The following ADGRB1 variants were observed in gnomAD, a reference collection of about 807,000 sequenced individuals.
The protein encoded by ADGRB1 is adhesion G protein-coupled receptor B1.
In ADGRB1, 36 loss-of-function variants were observed where a neutral mutation model predicts 175.7. That is an observed-to-expected ratio of 0.20 (90% confidence interval 0.16 to 0.27). The LOEUF is 0.27. ADGRB1 is among the 10% of genes least tolerant of loss of function. The probability of loss-of-function intolerance (pLI) is 1.00; values close to 1 mark genes in which losing one functional copy is unlikely to be tolerated. For synonymous variants in ADGRB1, 1,054 were observed against 979.4 expected (o/e 1.08, Z -1.42); for missense variants, 1,731 against 2,255.3 (o/e 0.77, Z 4.71).
At chr8:142,458,368 C>T (rs191386282) in intron 1 of ADGRB1, among the ~76,000 whole-genome samples, 22 of 152,196 alleles carry the variant, frequency 1.4e-4, no homozygotes, top group Non-Finnish European at 2.5e-4. Context: ...AGGATGGCGG[C>T]GGGAGGCGGG....
Position 142,510,886 on chromosome 8 carries a change from C to T in ADGRB1, c.2676-46C>T. ...GCCGGGGCGCCCGCGTCCCCGCCGC[C>T]GCTGACGCTCCGCCTGTCTCCCTCC... On this transcript the variant is annotated intron_variant, in intron 17 of 30. Transcript: ENST00000517894. The surrounding 1 kb of genome is among the most constrained non-coding windows in gnomAD (Gnocchi z 6.3). 2 of 1,017,940 alleles carry T rather than the reference C, an allele frequency of 2.0e-6. No individual in the cohort carries two copies. The highest frequency in any genetic ancestry group is 2.4e-6 in the Non-Finnish European group (2 of 847,188). The allele number at this position is 1,017,940 out of a possible 1,614,324, so 63.1% of individuals were successfully genotyped here. A position where few individuals can be genotyped will look rare whatever the true frequency, so the allele number is the denominator to read the frequency against.
rs1845498691 is a variant in ADGRB1, at chr8:142,544,969, C to T, written c.*552C>T. ...AAGCAGGGGGGAATCTATTTTTTCT[C>T]TCCTTTTCTTTTCTTCAATAAAAAG... On this transcript the variant is annotated 3_prime_UTR_variant, in exon 31 of 31. Coordinates refer to ENST00000517894, the MANE Select transcript of ADGRB1 (RefSeq NM_001702.3). The T allele has an allele frequency of 6.6e-6, 1 of 152,576 alleles. No homozygotes were observed. Among genetic ancestry groups the T allele is most frequent in the Non-Finnish European group, 1.5e-5 (1 of 68,128 alleles). 9.5% of individuals were successfully genotyped at this position (152,576 alleles called of 1,614,324 possible). A position where few individuals can be genotyped will look rare whatever the true frequency, so the allele number is the denominator to read the frequency against.
At chr8:142,456,315 G>T (rs763775039) in intron 1 of ADGRB1, among the ~76,000 whole-genome samples, 1 of 152,094 alleles carries the variant, frequency 6.6e-6, no homozygotes, top group Non-Finnish European at 1.5e-5. Context: ...CACTCTGTGC[G>T]CACACACTTG....
intron 24 of ADGRB1, among the ~76,000 whole-genome samples, chr8:142,527,106 C>T (rs564536335): frequency 7.9e-5 from 12 of 152,292 alleles, no homozygotes; most frequent in Admixed American, 1.3e-4. Flanking sequence ...TTCCTCCCTC[C>T]GGGGAACCCA....
chr8:142,476,559 T>C, intron 3 of ADGRB1, 26 bp from the exon 4 acceptor site: 21 of 1,543,112 alleles, frequency 1.4e-5, no homozygotes, highest in Non-Finnish European at 1.8e-5. Flanking sequence ...GAACCGCTCC[T>C]GTGCTGACCT....
rs574451863 is a variant in ADGRB1, at chr8:142,488,503, G to A, written c.2448G>A (p.Leu816=). ...CCAAGAGTGTCTTCTCCACGGGGCT[G>A]ACAGGTGAGGGGCCCAGGGAGTGGA... ...TVSKSVFSTG[L]TEADEASVFV... is the part of the protein sequence containing the mutation. Residue 816 remains leucine, a synonymous_variant, in exon 14 of 31, where the codon CTG becomes CTA. Coordinates refer to ENST00000517894, the MANE Select transcript of ADGRB1 (RefSeq NM_001702.3). The A allele has an allele frequency of 1.2e-6, 2 of 1,612,542 alleles. No homozygotes were observed. The highest frequency in any genetic ancestry group is 1.1e-5 in the South Asian group (1 of 91,048).
intron 13 of ADGRB1, among the ~76,000 whole-genome samples, chr8:142,487,714 G>T (rs1428807665): frequency 1.3e-5 from 2 of 151,992 alleles, no homozygotes; most frequent in African/African-American, 2.4e-5. Flanking sequence ...CTGCTGCCTC[G>T]TCCCCACGTC....
At chr8:142,475,381 C>T (rs1429553737) in intron 2 of ADGRB1, 93 bp from the exon 3 acceptor site, 9 of 1,201,818 alleles carry the variant, frequency 7.5e-6, no homozygotes. Context: ...CCCACCCGGG[C>T]CGGCCTCGGC....
chr8:142,499,585 C>G (rs892282218), intron 17 of ADGRB1, among the ~76,000 whole-genome samples: 1 of 148,490 alleles, frequency 6.7e-6, no homozygotes. Flanking sequence ...GGCCCAGAGG[C>G]GGAGTGCCGC....
Position 142,464,085 on chromosome 8 carries a change from CGCCT to C in ADGRB1, c.-113_-110del. The C allele has an allele frequency of 7.5e-5, 58 of 769,332 alleles. No homozygotes were observed. Among genetic ancestry groups the C allele is most frequent in the Non-Finnish European group, 8.5e-5 (50 of 590,866 alleles). 47.7% of individuals were successfully genotyped at this position (769,332 alleles called of 1,614,324 possible). ...GCCCTCTCCCATCCCACCCTTGCCC[CGCCT>C]CCCTGCCCCCACCGGGCCGGCCCTG... On this transcript the variant is annotated 5_prime_UTR_variant, in exon 2 of 31. Coordinates refer to ENST00000517894, the MANE Select transcript of ADGRB1 (RefSeq NM_001702.3).
chr8:142,518,390 C>A, intron 19 of ADGRB1, 149 bp downstream of exon 19: 1 of 748,322 alleles, frequency 1.3e-6, no homozygotes. Flanking sequence ...ACGGAACCAG[C>A]CATGCTGTGG....
rs1844641937 is a variant in ADGRB1, at chr8:142,531,869, G to A, written c.3399-1426G>A. On this transcript the variant is annotated intron_variant, in intron 24 of 30. Transcript: ENST00000517894. ...CATGGCTGGCTGTGCCTGCTGAGAG[G>A]TCCTGAGAGATGACGACACAGATAT... 1.3e-5 allele frequency among the ~76,000 whole-genome samples: 2 copies of A among 152,196 alleles called. 1 individual carries two copies. Among genetic ancestry groups the A allele is most frequent in the South Asian group, 4.1e-4 (2 of 4,836 alleles).
chr8:142,514,284 T>C (rs576299850), intron 18 of ADGRB1, among the ~76,000 whole-genome samples: 66 of 148,456 alleles, frequency 4.4e-4, no homozygotes, highest in African/African-American at 1.5e-3. Flanking sequence ...CCGGGCAGGG[T>C]GGTAGAGCGA....
rs1476205212 is a variant in ADGRB1, at chr8:142,510,604, G to A, written c.2676-328G>A. ...CCCGGAGGAGCTGGGGGCGGCGGGG[G>A]CGCGGGGCGGGCGACTGCCGGGCCC... On this transcript the variant is annotated intron_variant, in intron 17 of 30. Transcript: ENST00000517894. The surrounding 1 kb of genome is among the most constrained non-coding windows in gnomAD (Gnocchi z 6.3). 2.7e-5 allele frequency among the ~76,000 whole-genome samples: 4 copies of A among 146,422 alleles called. No individual in the cohort carries two copies. The highest frequency in any genetic ancestry group is 9.8e-5 in the African/African-American group (4 of 40,756).
At chr8:142,490,737 G>T (rs1208091535) in intron 16 of ADGRB1, 35 bp from the exon 17 acceptor site, 2 of 1,560,252 alleles carry the variant, frequency 1.3e-6, no homozygotes, top group Admixed American at 1.9e-5. Flanking sequence ...GGTCCTGGCT[G>T]CCAGGGGCCC....
chr8:142,479,152 C>T (rs1389964601), intron 7 of ADGRB1, 171 bp from the exon 8 acceptor site: 6 of 683,116 alleles, frequency 8.8e-6, no homozygotes, highest in African/African-American at 1.9e-5. Context: ...GATTTCTCCT[C>T]TCCTGGTCTG....
chr8:142,521,011 C>A, intron 20 of ADGRB1, 86 bp downstream of exon 20: 2 of 1,333,442 alleles, frequency 1.5e-6, no homozygotes, highest in South Asian at 1.3e-5. Context: ...ACCGTGGGAT[C>A]CCTGGGAAAC....
rs1475425913 is a variant in ADGRB1 at position 142,455,667 on chromosome 8, C to T, written c.-220+5563C>T. Among the ~76,000 whole-genome samples, 3 of 152,144 alleles carry T rather than the reference C, an allele frequency of 2.0e-5. No individual in the cohort carries two copies. The highest frequency in any genetic ancestry group is 7.2e-5 in the African/African-American group (3 of 41,440). On this transcript the variant is annotated intron_variant, in intron 1 of 30. Transcript: ENST00000517894. The surrounding 1 kb of genome is among the most constrained non-coding windows in gnomAD (Gnocchi z 4.9). ...CCCCACTCCTCACTCAGCTGTGGGC[C>T]AGTTTTGGGGGTGCTGACTCTTGAC...
In ADGRB1 at chr8:142,497,385, G is replaced by C. The variant is rs972515884; in HGVS notation, c.2675+6570G>C. Among the ~76,000 whole-genome samples the C allele has an allele frequency of 5.3e-5, 8 of 152,308 alleles. No homozygotes were observed. In the South Asian group the frequency reaches 1.2e-3, roughly 24 times the overall value. ...GGGCAGTGAGGGGGCAGGCCAAGGGGGGGGAAGCGGAAGGAAGACTTGGCA... is the reference window on the plus strand; with the variant it reads ...GGGCAGTGAGGGGGCAGGCCAAGGGCGGGGAAGCGGAAGGAAGACTTGGCA... On this transcript the variant is annotated intron_variant, in intron 17 of 30. Transcript: ENST00000517894.
Sources: allele counts gnomAD v4.1 joint callset (sites outside exome capture counted in the v4.1 genomes callset), GRCh38; gene constraint gnomAD v4.1.1; non-coding constraint Gnocchi (gnomAD v3.1); transcripts MANE v1.5; gene names NCBI Gene and HGNC (gene_info 2026-07-23, HGNC 2026-07-21).